The following LOXL2 variants were observed in gnomAD, a reference collection of about 807,000 sequenced individuals.
LOXL2 encodes lysyl oxidase like 2.
LOXL2 carries 70 observed loss-of-function variants against 93.0 expected under a neutral mutation model. The ratio of observed to expected loss-of-function variants is 0.75; its 90% confidence interval spans 0.62 to 0.92. The LOEUF (loss-of-function observed/expected upper bound fraction) is 0.92. LOXL2 is among the 40% of genes least tolerant of loss of function. The pLI is 0.00. For missense variants in LOXL2, 973 were observed against 1,054.9 expected, an observed-to-expected ratio of 0.92 and a Z score of 1.08; for synonymous variants, 438 against 413.2, an observed-to-expected ratio of 1.06 and a Z score of -0.73.
At chr8:23,346,146 T>TAATAAAAAAAATAAA (rs1803974808) in intron 3 of LOXL2, among the ~76,000 whole-genome samples, 1 of 78,046 alleles carries the variant, frequency 1.3e-5, no homozygotes, top group African/African-American at 3.6e-5. Flanking sequence ...ATAAAATAAA[T>TAATAAAAAAAATAAA]AAAATAAAAT....
chr8:23,394,448 TTAAA>T (rs1800062107), intron 1 of LOXL2, among the ~76,000 whole-genome samples: 1 of 144,684 alleles, frequency 6.9e-6, no homozygotes, highest in Admixed American at 6.9e-5. Flanking sequence ...GGGCAAAAAC[TTAAA>T]TAGACACTTC....
intron 2 of LOXL2, among the ~76,000 whole-genome samples, 153 bp from the exon 3 acceptor site, chr8:23,360,418 A>T (rs1034278533): frequency 6.6e-6 from 1 of 152,220 alleles, no homozygotes; most frequent in African/African-American, 2.4e-5. Context: ...GATATTGCAC[A>T]TAACTCTAAA....
chr8:23,362,028 G>A (rs1004109421), intron 2 of LOXL2, among the ~76,000 whole-genome samples: 5 of 150,874 alleles, frequency 3.3e-5, no homozygotes, highest in Non-Finnish European at 7.4e-5. Context: ...CAAAAGAATT[G>A]AAAACAGTGT....
At chr8:23,327,622 G>A (rs1324729865) in intron 6 of LOXL2, among the ~76,000 whole-genome samples, 1 of 152,130 alleles carries the variant, frequency 6.6e-6, no homozygotes, top group Non-Finnish European at 1.5e-5. Flanking sequence ...TTGTCTCGGG[G>A]AAGACTGGGC....
intron 11 of LOXL2, 39 bp downstream of exon 11, chr8:23,303,243 C>G: frequency 7.9e-7 from 1 of 1,268,506 alleles, no homozygotes; most frequent in Non-Finnish European, 1.2e-6. Flanking sequence ...GCATTCGAGT[C>G]CCTCTGAGGC....
intron 4 of LOXL2, among the ~76,000 whole-genome samples, chr8:23,338,469 C>T (rs796281064): frequency 5.9e-5 from 9 of 152,256 alleles, no homozygotes; most frequent in South Asian, 4.1e-4. Context: ...GGTGAGCTTC[C>T]GAGGCTATAA....
chr8:23,368,372 T>G lies in LOXL2; in HGVS notation c.-21A>C, dbSNP rs747292137. 1.3e-6 allele frequency: 2 copies of G among 1,599,846 alleles called. No homozygotes were observed. The highest frequency in any genetic ancestry group is 1.1e-5 in the South Asian group (1 of 90,910). On this transcript the variant is annotated 5_prime_UTR_variant, in exon 2 of 14. Transcript: ENST00000389131. ...TCCATCCCTGTCTTCGGGCTGATGA[T>G]CCCACGAAGGGGCCCTGCGCAGCTG...
intron 5 of LOXL2, among the ~76,000 whole-genome samples, chr8:23,330,921 T>G (rs1803665752): frequency 6.6e-6 from 1 of 152,058 alleles, no homozygotes; most frequent in Admixed American, 6.5e-5. Context: ...CAGAGGCTCT[T>G]GAGGGGACTG....
chr8:23,398,337 A>C (rs1800119699), intron 1 of LOXL2, among the ~76,000 whole-genome samples: 1 of 152,220 alleles, frequency 6.6e-6, no homozygotes, highest in Non-Finnish European at 1.5e-5. Context: ...GCCACAGGAC[A>C]TCCAGAGGGC....
intron 4 of LOXL2, among the ~76,000 whole-genome samples, chr8:23,339,125 T>C (rs148913874): frequency 9.9e-4 from 151 of 152,170 alleles, no homozygotes; most frequent in African/African-American, 3.6e-3. Context: ...AGCACCTTTC[T>C]CTTTGGGACA....
At chr8:23,299,566 A>T (rs931480142) in intron 12 of LOXL2, among the ~76,000 whole-genome samples, 8 of 152,136 alleles carry the variant, frequency 5.3e-5, no homozygotes, top group Non-Finnish European at 1.0e-4. Context: ...CAGGAATAGG[A>T]AGGACATATT....
chr8:23,392,721 C>G (rs1362176158), intron 1 of LOXL2, among the ~76,000 whole-genome samples: 4 of 152,160 alleles, frequency 2.6e-5, no homozygotes, highest in Non-Finnish European at 1.5e-5. Context: ...CCCCCCTGCC[C>G]TTGGACTTGC....
rs80049931 is a variant in LOXL2, at chr8:23,333,386, G to A, written c.966+15C>T. The A allele has an allele frequency of 0.011, 17,110 of 1,612,424 alleles. 153 individuals are homozygous for A. The highest frequency in any genetic ancestry group is 0.014 in the Non-Finnish European group (15,967 of 1,179,000). ...TCCAGGTGCCAAGTGGCCACACCTC[G>A]TGCCCCGTCCTCACCTCTGGCTTGT... On this transcript the variant is annotated intron_variant, in intron 5 of 13. Transcript: ENST00000389131.
intron 3 of LOXL2, among the ~76,000 whole-genome samples, chr8:23,343,054 T>C (rs562246767): frequency 8.3e-4 from 126 of 152,288 alleles, no homozygotes; most frequent in African/African-American, 2.9e-3. Context: ...GCTGGCTCTT[T>C]CTAAAACACA....
chr8:23,366,483 T>A (rs1330654122), intron 2 of LOXL2, among the ~76,000 whole-genome samples: 1 of 152,238 alleles, frequency 6.6e-6, no homozygotes, highest in African/African-American at 2.4e-5. Flanking sequence ...GAAGGGAGGA[T>A]AACAGTTATC....
chr8:23,310,223 C>T (rs1803302652), intron 9 of LOXL2, among the ~76,000 whole-genome samples: 1 of 152,218 alleles, frequency 6.6e-6, no homozygotes, highest in African/African-American at 2.4e-5. Flanking sequence ...CTCATAAGCA[C>T]TGAATGTGAG....
chr8:23,303,448 CT>C (rs1304008038), intron 10 of LOXL2, 51 bp from the exon 11 acceptor site: 1 of 1,099,224 alleles, frequency 9.1e-7, no homozygotes, highest in Admixed American at 1.7e-5. Flanking sequence ...GCAACTGCTG[CT>C]TGCAAGCAGA....
chr8:23,315,483 G>T (rs976450048), intron 9 of LOXL2, among the ~76,000 whole-genome samples: 1 of 152,056 alleles, frequency 6.6e-6, no homozygotes, highest in African/African-American at 2.4e-5. Flanking sequence ...CTGAGAAATC[G>T]CCCCATGAAA....
chr8:23,384,547 G>T (rs1161128973), intron 1 of LOXL2, among the ~76,000 whole-genome samples: 5 of 152,170 alleles, frequency 3.3e-5, no homozygotes, highest in Admixed American at 2.6e-4. Flanking sequence ...TCGAGGAGTT[G>T]GACAGACTTC....
Sources: gnomAD v4.1 joint callset for allele counts (sites outside exome capture counted in the v4.1 genomes callset) on GRCh38, gnomAD v4.1.1 for gene constraint, MANE v1.5 for transcripts, NCBI Gene and HGNC (gene_info 2026-07-23, HGNC 2026-07-21) for gene names.